KCNJ6: variants seen among roughly 807,000 people sequenced by gnomAD.
KCNJ6 encodes the protein G protein-activated inward rectifier potassium channel 2.
KCNJ6 carries 9 observed loss-of-function variants against 34.2 expected under a neutral mutation model. That is an observed-to-expected ratio of 0.26 (90% CI 0.16 to 0.46). The LOEUF (loss-of-function observed/expected upper bound fraction) is 0.46, where lower values mean the gene tolerates loss of function less well. Among genes scored for constraint, KCNJ6 ranks in the 20% least tolerant of loss-of-function variants. The pLI, the probability that KCNJ6 is intolerant of heterozygous loss-of-function variation, is 1.00. For missense variants in KCNJ6, 236 were observed against 531.3 expected, an observed-to-expected ratio of 0.44 and a Z score of 5.46; for synonymous variants, 196 against 207.1, an observed-to-expected ratio of 0.95 and a Z score of 0.46.
intron 2 of KCNJ6, among the ~76,000 whole-genome samples, chr21:37,793,475 A>G (rs2055226493): frequency 7.0e-6 from 1 of 143,004 alleles, no homozygotes; most frequent in Non-Finnish European, 1.5e-5. Flanking sequence ...GTGGTTAAAG[A>G]GTGAGAGCTA....
In KCNJ6 at chr21:37,616,971, G is replaced by A. The variant is rs1056615882; in HGVS notation, c.*8188C>T. On this transcript the variant is annotated 3_prime_UTR_variant, in exon 4 of 4. Coordinates refer to ENST00000609713, the MANE Select transcript of KCNJ6 (RefSeq NM_002240.5). ...TGGTGACCCTGATAGAGGTGGGGATGTGCGATTTCTTTTCTCTTTCTTTCT... is the reference window on the plus strand; with the variant it reads ...TGGTGACCCTGATAGAGGTGGGGATATGCGATTTCTTTTCTCTTTCTTTCT... 3 of 151,850 alleles carry A rather than the reference G, an allele frequency of 2.0e-5. No individual in the cohort carries two copies. Among genetic ancestry groups the A allele is most frequent in the Non-Finnish European group, 4.4e-5 (3 of 67,992 alleles). 9.4% of individuals were successfully genotyped at this position (151,850 alleles called of 1,614,324 possible). A position where few individuals can be genotyped will look rare whatever the true frequency, so the allele number is the denominator to read the frequency against.
intron 3 of KCNJ6, among the ~76,000 whole-genome samples, chr21:37,641,355 T>C (rs1281820792): frequency 2.0e-5 from 3 of 152,170 alleles, no homozygotes; most frequent in African/African-American, 7.2e-5. Context: ...GGCACTTTGA[T>C]GGGTTCTGAG....
At chr21:37,761,047 G>A (rs1156661457) in intron 2 of KCNJ6, among the ~76,000 whole-genome samples, 2 of 152,176 alleles carry the variant, frequency 1.3e-5, no homozygotes, top group Non-Finnish European at 2.9e-5. Context: ...AGGGAAACTG[G>A]GCAGGGAAGC....
chr21:37,704,600 G>T (rs1016573237), intron 3 of KCNJ6, among the ~76,000 whole-genome samples: 1 of 152,116 alleles, frequency 6.6e-6, no homozygotes, highest in Non-Finnish European at 1.5e-5. Flanking sequence ...AAAAGGAAAT[G>T]TATTTACTTA....
intron 1 of KCNJ6, among the ~76,000 whole-genome samples, chr21:37,876,215 C>G (rs1218325407): frequency 6.6e-6 from 1 of 152,224 alleles, no homozygotes; most frequent in Admixed American, 6.5e-5. Context: ...AAGGTACACA[C>G]TGGACCGGGC....
At chr21:37,642,379 G>A (rs148097880) in intron 3 of KCNJ6, among the ~76,000 whole-genome samples, 247 of 152,230 alleles carry the variant, frequency 1.6e-3, no homozygotes, top group Non-Finnish European at 2.9e-3. Context: ...AGCAAAGGGC[G>A]GCAGAAGCCA....
intron 1 of KCNJ6, among the ~76,000 whole-genome samples, chr21:37,845,789 T>C (rs1431767428): frequency 6.6e-6 from 1 of 152,196 alleles, no homozygotes; most frequent in Non-Finnish European, 1.5e-5. Context: ...CTCAGGGAAC[T>C]ACTCGTCAAC....
At chr21:37,906,817 G>C (rs2055843989) in intron 1 of KCNJ6, among the ~76,000 whole-genome samples, 1 of 152,182 alleles carries the variant, frequency 6.6e-6, no homozygotes, top group Admixed American at 6.5e-5. Context: ...TTCTTTATTT[G>C]CCGTCCTCTT....
intron 2 of KCNJ6, among the ~76,000 whole-genome samples, chr21:37,735,455 C>T (rs748164924): frequency 1.3e-5 from 2 of 152,204 alleles, no homozygotes; most frequent in Non-Finnish European, 2.9e-5. Context: ...CCCCAAACCT[C>T]AGCACTGTAG....
chr21:37,632,550 CAGTG>C (rs1262128359), intron 3 of KCNJ6, among the ~76,000 whole-genome samples: 2 of 152,030 alleles, frequency 1.3e-5, no homozygotes, highest in Non-Finnish European at 2.9e-5. Flanking sequence ...AAGTCAACCA[CAGTG>C]AGAATCAATA....
At chr21:37,732,374 C>T (rs186862796) in intron 2 of KCNJ6, among the ~76,000 whole-genome samples, 127 of 152,304 alleles carry the variant, frequency 8.3e-4, no homozygotes, top group Non-Finnish European at 1.6e-3. Context: ...TCAGACTTTT[C>T]AGTCTTGAAG....
intron 2 of KCNJ6, among the ~76,000 whole-genome samples, chr21:37,760,431 C>T (rs1400325501): frequency 6.6e-6 from 1 of 152,216 alleles, no homozygotes; most frequent in African/African-American, 2.4e-5. Flanking sequence ...CAACCTCCCT[C>T]CAAACAAGGC....
At chr21:37,629,311 T>G (rs857975) in intron 3 of KCNJ6, among the ~76,000 whole-genome samples, 107,774 of 151,832 alleles carry the variant, frequency 0.71, 38,427 homozygotes, top group East Asian at 0.83. Flanking sequence ...AAATATGTGG[T>G]GGGTCTGTTT....
intron 1 of KCNJ6, among the ~76,000 whole-genome samples, chr21:37,854,134 A>G (rs900117026): frequency 6.0e-4 from 91 of 152,010 alleles, no homozygotes; most frequent in African/African-American, 2.2e-3. Context: ...CCAATTAAAA[A>G]ACAGAGATTA....
chr21:37,886,484 G>A (rs551307736), intron 1 of KCNJ6, among the ~76,000 whole-genome samples: 2 of 152,278 alleles, frequency 1.3e-5, no homozygotes, highest in South Asian at 4.1e-4. Context: ...GCTCCTTAAA[G>A]AATCTCATGT....
chr21:37,789,199 C>A (rs989005298), intron 2 of KCNJ6, among the ~76,000 whole-genome samples: 1 of 152,194 alleles, frequency 6.6e-6, no homozygotes, highest in African/African-American at 2.4e-5. Context: ...CTGGACCACA[C>A]AATGCCTTTA....
chr21:37,872,957 T>C (rs1452450195), intron 1 of KCNJ6, among the ~76,000 whole-genome samples: 2 of 152,236 alleles, frequency 1.3e-5, no homozygotes, highest in Non-Finnish European at 2.9e-5. Context: ...TCCACCATGA[T>C]TGTAAGTTTC....
chr21:37,806,186 C>G (rs2123536758), intron 2 of KCNJ6, among the ~76,000 whole-genome samples: 1 of 152,266 alleles, frequency 6.6e-6, no homozygotes, highest in African/African-American at 2.4e-5. Context: ...CCTGCTTTTA[C>G]AAGTGAGAAC....
At chr21:37,782,588 A>G (rs891722756) in intron 2 of KCNJ6, among the ~76,000 whole-genome samples, 1 of 151,750 alleles carries the variant, frequency 6.6e-6, no homozygotes, top group African/African-American at 2.4e-5. Flanking sequence ...CACCCAGGGG[A>G]CCCTAATTCT....
Sources: allele counts gnomAD v4.1 joint callset (sites outside exome capture counted in the v4.1 genomes callset), GRCh38; gene constraint gnomAD v4.1.1; transcripts MANE v1.5; gene names NCBI Gene and HGNC (gene_info 2026-07-23, HGNC 2026-07-21).